The following SYT2 variants were observed in gnomAD, a reference collection of about 807,000 sequenced individuals.
SYT2 encodes synaptotagmin 2.
In SYT2, 15 loss-of-function variants were observed where a neutral mutation model predicts 39.9. The observed-to-expected ratio is 0.38, with a 90% CI of 0.25 to 0.58. SYT2 has a LOEUF of 0.58. SYT2 is among the 20% of genes least tolerant of loss of function. The pLI is 0.70. For missense variants in SYT2, 389 were observed against 530.3 expected, an observed-to-expected ratio of 0.73 and a Z score of 2.62; for synonymous variants, 181 against 204.5, an observed-to-expected ratio of 0.89 and a Z score of 0.98.
chr1:202,621,377 C>G (rs979939747), intron 1 of SYT2, among the ~76,000 whole-genome samples: 7 of 152,088 alleles, frequency 4.6e-5, no homozygotes, highest in African/African-American at 1.7e-4. Flanking sequence ...CTCACTGCAG[C>G]CTTCAAACTC....
In SYT2 at chr1:202,596,294, C is replaced by CACACACAT. The variant is rs1553333818; in HGVS notation, c.*462_*463insATGTGTGT. ...ACACACACACACACACACACACACA[C>CACACACAT]ACACACACACACATACACACACACA... On this transcript the variant is annotated 3_prime_UTR_variant, in exon 9 of 9. Transcript: ENST00000367268. The CACACACAT allele has an allele frequency of 1.2e-3, 107 of 85,772 alleles. No individual in the cohort carries two copies. The highest frequency in any genetic ancestry group is 1.8e-3 in the Non-Finnish European group (85 of 46,748). 5.3% of individuals were successfully genotyped at this position (85,772 alleles called of 1,614,324 possible). A position where few individuals can be genotyped will look rare whatever the true frequency, so the allele number is the denominator to read the frequency against.
intron 1 of SYT2, among the ~76,000 whole-genome samples, chr1:202,670,630 A>G (rs1692570096): frequency 6.6e-6 from 1 of 152,250 alleles, no homozygotes; most frequent in Non-Finnish European, 1.5e-5. Flanking sequence ...TGCTGTGAGC[A>G]TAACATGGCC....
chr1:202,602,098 C>G, intron 5 of SYT2, 41 bp from the exon 6 acceptor site: 2 of 1,608,074 alleles, frequency 1.2e-6, no homozygotes. Context: ...CAGAGCGACT[C>G]ACGCACCTCC....
intron 1 of SYT2, among the ~76,000 whole-genome samples, chr1:202,645,027 C>T (rs1692050581): frequency 6.6e-6 from 1 of 152,178 alleles, no homozygotes; most frequent in African/African-American, 2.4e-5. Flanking sequence ...GGGGAGTGTG[C>T]ATCTGCATAC....
At chr1:202,640,220 C>T (rs192775418) in intron 1 of SYT2, among the ~76,000 whole-genome samples, 3 of 152,120 alleles carry the variant, frequency 2.0e-5, no homozygotes, top group Middle Eastern at 3.2e-3. Context: ...AAAGCTTGAA[C>T]GACTCCAACA....
intron 1 of SYT2, among the ~76,000 whole-genome samples, chr1:202,684,594 C>G (rs1379391706): frequency 6.6e-6 from 1 of 152,172 alleles, no homozygotes; most frequent in Admixed American, 6.5e-5. Flanking sequence ...CTGCCATGAA[C>G]ATGGGGGTGC....
At position 202,614,066 on chromosome 1, in the gene SYT2, C is replaced by A. The variant is rs1572624930; in HGVS notation, c.-17-8277G>T. Among the ~76,000 whole-genome samples, 1 of 152,290 alleles carries A rather than the reference C, an allele frequency of 6.6e-6. No individual in the cohort carries two copies. Among genetic ancestry groups the A allele is most frequent in the Admixed American group, 6.5e-5 (1 of 15,302 alleles). ...AGGCACCTGGAAGTGGCCCTGGCAC[C>A]GTAGAGGGACCCAAGGTTCATGGTG... On this transcript the variant is annotated intron_variant, in intron 1 of 8. Coordinates refer to ENST00000367268, the MANE Select transcript of SYT2 (RefSeq NM_177402.5). The surrounding 1 kb of genome is among the most constrained non-coding windows in gnomAD (Gnocchi z 4.0).
chr1:202,663,767 A>C (rs1320356585), intron 1 of SYT2, among the ~76,000 whole-genome samples: 2 of 152,168 alleles, frequency 1.3e-5, no homozygotes, highest in Non-Finnish European at 2.9e-5. Flanking sequence ...GGGCTGTGGC[A>C]GGCAGGGCAG....
At chr1:202,622,573 G>A (rs571991609) in intron 1 of SYT2, among the ~76,000 whole-genome samples, 4 of 147,692 alleles carry the variant, frequency 2.7e-5, no homozygotes, top group African/African-American at 7.7e-5. Flanking sequence ...CAGGCCACCT[G>A]ATGGGCGCCT....
At chr1:202,665,182 G>A (rs1469257320) in intron 1 of SYT2, among the ~76,000 whole-genome samples, 3 of 152,174 alleles carry the variant, frequency 2.0e-5, no homozygotes, top group Admixed American at 1.3e-4. Flanking sequence ...TGGTCCCTGG[G>A]ATGAAAGTGA....
Position 202,603,073 on chromosome 1 carries a change from C to T in SYT2, c.391G>A (p.Gly131Arg). The T allele has an allele frequency of 6.2e-7, 1 of 1,614,164 alleles. No individual in the cohort carries two copies. Among genetic ancestry groups the T allele is most frequent in the Non-Finnish European group, 8.5e-7 (1 of 1,180,018 alleles). The stretch of plus-strand genomic sequence containing the variant: ...TTCTCTGGCTCTTTCTCCTCCTCCC[C>T]TTCACCTTCCCCCTCAGTCAGGCCT... ...ETGLTEGEGE[G>R]EEEKEPENLG... Residue 131 changes from glycine (G) to arginine (R), a missense_variant, in exon 4 of 9, where the codon GGG becomes AGG. Transcript: ENST00000367268.
chr1:202,599,144 C>T lies in SYT2; in HGVS notation c.1053+74G>A. The T allele has an allele frequency of 1.3e-6, 2 of 1,582,464 alleles. No individual in the cohort carries two copies. The highest frequency in any genetic ancestry group is 2.3e-5 in the South Asian group (2 of 85,182). ...GTTCCATGGTCTCTAGGTGAGTTCC[C>T]TCTCTTCAACCTCCCCATACATGTT... On this transcript the variant is annotated intron_variant, in intron 8 of 8. Transcript: ENST00000367268. The surrounding 1 kb of genome is among the most constrained non-coding windows in gnomAD (Gnocchi z 4.4).
In SYT2 at chr1:202,628,299, G is replaced by A. The variant is rs774996779; in HGVS notation, c.-17-22510C>T. ...GTACTCCCAGGTAGCAGAGCAGCTC[G>A]CTTTGGGCCACACCAGGACCTGGGA... is the stretch of plus-strand genomic sequence containing the variant. On this transcript the variant is annotated intron_variant, in intron 1 of 8. Transcript: ENST00000367268. The surrounding 1 kb of genome is among the most constrained non-coding windows in gnomAD (Gnocchi z 4.2). 1.3e-5 allele frequency among the ~76,000 whole-genome samples: 2 copies of A among 152,130 alleles called. No individual in the cohort carries two copies. Among genetic ancestry groups the A allele is most frequent in the African/African-American group, 4.8e-5 (2 of 41,432 alleles).
At position 202,624,540 on chromosome 1, in the gene SYT2, ATGTGTGTGGTGTGTGTGGTGTTTAGTAG is replaced by A. The variant is rs1403885928; in HGVS notation, c.-17-18779_-17-18752del. On this transcript the variant is annotated intron_variant, in intron 1 of 8. Coordinates refer to ENST00000367268, the MANE Select transcript of SYT2 (RefSeq NM_177402.5). ...CTGTGTGGTGTGTAGTAGAGTGTGG[ATGTGTGTGGTGTGTGTGGTGTTTAGTAG>A]TGTGTGTGGTGTGTGATGTGTGTGG... 9.8e-3 allele frequency among the ~76,000 whole-genome samples: 997 copies of A among 101,950 alleles called. 13 individuals are homozygous for A. The highest frequency in any genetic ancestry group is 0.043 in the African/African-American group (947 of 22,096). 66.9% of individuals were successfully genotyped at this position (101,950 alleles called of 152,430 possible). A position where few individuals can be genotyped will look rare whatever the true frequency, so the allele number is the denominator to read the frequency against.
chr1:202,685,486 G>C (rs1051528478), intron 1 of SYT2, among the ~76,000 whole-genome samples: 2 of 152,090 alleles, frequency 1.3e-5, no homozygotes, highest in African/African-American at 4.8e-5. Flanking sequence ...AAAAATAAAA[G>C]GTCTCAGATC....
intron 1 of SYT2, among the ~76,000 whole-genome samples, chr1:202,658,546 G>A (rs1692319513): frequency 6.6e-6 from 1 of 152,120 alleles, no homozygotes; most frequent in African/African-American, 2.4e-5. Context: ...CTGCCAGAGG[G>A]GGTAAGAAGA....
chr1:202,704,188 C>A (rs1413167446), intron 1 of SYT2, among the ~76,000 whole-genome samples: 1 of 152,134 alleles, frequency 6.6e-6, no homozygotes, highest in Non-Finnish European at 1.5e-5. Flanking sequence ...GGCGACTATC[C>A]TGGGGTTGGA....
chr1:202,613,068 CTTTTTTTT>C (rs146069389), intron 1 of SYT2, among the ~76,000 whole-genome samples: 44 of 75,114 alleles, frequency 5.9e-4, no homozygotes, highest in African/African-American at 1.2e-3. Context: ...TTGGTTCTTC[CTTTTTTTT>C]TTTTTTTTTT....
intron 1 of SYT2, chr1:202,639,895 G>A (rs115920043): frequency 1.1e-6 from 1 of 946,678 alleles, no homozygotes; most frequent in Admixed American, 6.2e-5. Flanking sequence ...TGCTCCTCCT[G>A]TAATTTGAGC....
Sources: allele counts gnomAD v4.1 joint callset (sites outside exome capture counted in the v4.1 genomes callset), GRCh38; gene constraint gnomAD v4.1.1; non-coding constraint Gnocchi (gnomAD v3.1); transcripts MANE v1.5; gene names NCBI Gene and HGNC (gene_info 2026-07-23, HGNC 2026-07-21).